The following ITPK1 variants were observed in gnomAD, a reference collection of about 807,000 sequenced individuals.
ITPK1 encodes the protein inositol 1,3,4-trisphosphate 5/6-kinase.
A neutral mutation model predicts 45.3 loss-of-function variants in ITPK1; 21 were observed. The ratio of observed to expected loss-of-function variants is 0.46; its 90% CI spans 0.33 to 0.67. The LOEUF (loss-of-function observed/expected upper bound fraction) is 0.67. Among genes scored for constraint, ITPK1 ranks in the 30% least tolerant of loss-of-function variants. ITPK1 has a pLI of 0.02. For synonymous variants in ITPK1, 258 were observed against 253.6 expected, an observed-to-expected ratio of 1.02 and a Z score of -0.16; for missense variants, 474 against 573.5, an observed-to-expected ratio of 0.83 and a Z score of 1.77.
In ITPK1 at chr14:93,045,370, C is replaced by T. The variant is rs142524552; in HGVS notation, c.121-28569G>A. 5.3e-5 allele frequency among the ~76,000 whole-genome samples: 8 copies of T among 152,336 alleles called. No individual in the cohort carries two copies. The East Asian group carries it at 5.8e-4, about 11-fold the overall frequency. ...CCCTGGTGACCCTGAAGAGCACTGC[C>T]GCAGACTGAGAGGCTGGAAGTAGGC... On this transcript the variant is annotated intron_variant, in intron 3 of 10. Transcript: ENST00000267615.
At chr14:93,065,647 C>G (rs1161025924) in intron 3 of ITPK1, among the ~76,000 whole-genome samples, 2 of 152,234 alleles carry the variant, frequency 1.3e-5, no homozygotes, top group Non-Finnish European at 2.9e-5. Flanking sequence ...TCCCCTTCTT[C>G]TTTAGCAACA....
intron 2 of ITPK1, among the ~76,000 whole-genome samples, chr14:93,108,307 T>C (rs528525859): frequency 1.3e-5 from 2 of 152,354 alleles, no homozygotes; most frequent in South Asian, 2.1e-4. Flanking sequence ...TTCTCTCAAA[T>C]GTAGCTTTCC....
At chr14:93,066,336 GT>G (rs61341369) in intron 3 of ITPK1, 1 of 447,686 alleles carries the variant, frequency 2.2e-6, no homozygotes, top group South Asian at 1.6e-5. Context: ...GTGTGTGTGT[GT>G]GTGTAGGGGG....
At chr14:92,962,485 G>T in intron 6 of ITPK1, 90 bp from the exon 7 acceptor site, 2 of 903,078 alleles carry the variant, frequency 2.2e-6, no homozygotes, top group Non-Finnish European at 3.7e-6. Context: ...AGGAACTCTA[G>T]CTGAGACACA....
At chr14:93,035,040 G>A (rs551444386) in intron 3 of ITPK1, among the ~76,000 whole-genome samples, 9 of 152,324 alleles carry the variant, frequency 5.9e-5, no homozygotes, top group East Asian at 1.9e-4. Flanking sequence ...CCTCTTCTCC[G>A]CTAGGTTCTA....
intron 2 of ITPK1, among the ~76,000 whole-genome samples, chr14:93,105,797 G>A (rs796411129): frequency 4.7e-5 from 7 of 149,756 alleles, no homozygotes; most frequent in African/African-American, 1.5e-4. Context: ...TCCACCTCCC[G>A]GGTTCAAGCG....
At chr14:92,961,684 G>A (rs966382769) in intron 7 of ITPK1, among the ~76,000 whole-genome samples, 1 of 152,206 alleles carries the variant, frequency 6.6e-6, no homozygotes, top group Admixed American at 6.5e-5. Context: ...CCTGCAGGGC[G>A]GGCCGGACTG....
chr14:93,006,505 C>T (rs1267281028), intron 4 of ITPK1, among the ~76,000 whole-genome samples: 1 of 152,198 alleles, frequency 6.6e-6, no homozygotes, highest in African/African-American at 2.4e-5. Flanking sequence ...CATGCAGACC[C>T]CACTGTGTCT....
intron 5 of ITPK1, among the ~76,000 whole-genome samples, chr14:92,977,157 A>C (rs906718466): frequency 1.3e-5 from 2 of 152,268 alleles, no homozygotes; most frequent in Admixed American, 6.5e-5. Context: ...AACAGAAACC[A>C]GCATGCAGAA....
intron 5 of ITPK1, among the ~76,000 whole-genome samples, chr14:92,985,903 T>C (rs1886464002): frequency 6.6e-6 from 1 of 152,018 alleles, no homozygotes; most frequent in South Asian, 2.1e-4. Context: ...TCCCTCCCCA[T>C]TTTACAGATA....
intron 4 of ITPK1, among the ~76,000 whole-genome samples, chr14:93,007,080 T>C (rs1335249610): frequency 6.8e-6 from 1 of 147,348 alleles, no homozygotes; most frequent in Non-Finnish European, 1.5e-5. Flanking sequence ...CTGGAAGGGG[T>C]CGGTCATCTG....
In ITPK1 at chr14:92,941,262, C is replaced by G. The variant is rs1408392136; in HGVS notation, c.*299G>C. Reference sequence around the variant, plus strand: ...CTGGCATGGCAGCCATACGCACACCCCTCACCTCCCATCCAGACCTAGTGT... The same window carrying G: ...CTGGCATGGCAGCCATACGCACACCGCTCACCTCCCATCCAGACCTAGTGT... On this transcript the variant is annotated 3_prime_UTR_variant, in exon 11 of 11. Coordinates refer to ENST00000267615, the MANE Select transcript of ITPK1 (RefSeq NM_014216.6). 2.2e-6 allele frequency: 3 copies of G among 1,370,934 alleles called. No individual in the cohort carries two copies. The African/African-American group carries it at 4.4e-5, about 20-fold the overall frequency. 84.9% of individuals were successfully genotyped at this position (1,370,934 alleles called of 1,614,324 possible). A position where few individuals can be genotyped will look rare whatever the true frequency, so the allele number is the denominator to read the frequency against.
Position 93,059,229 on chromosome 14 carries a change from AG to A in ITPK1, c.120+17365del, listed in dbSNP as rs201605292. On this transcript the variant is annotated intron_variant, in intron 3 of 10. Coordinates refer to ENST00000267615, the MANE Select transcript of ITPK1 (RefSeq NM_014216.6). ...GGTGTGGGTCTCGAGGCAGGGGTGG[AG>A]GGTGTGTGGGTCTCGAGGCGGGGAT... Among the ~76,000 whole-genome samples, 21 of 13,850 alleles carry A rather than the reference AG, an allele frequency of 1.5e-3. 2 individuals carry two copies. Among genetic ancestry groups the A allele is most frequent in the African/African-American group, 8.0e-3 (19 of 2,382 alleles). 9.1% of individuals were successfully genotyped at this position (13,850 alleles called of 152,430 possible).
chr14:93,046,533 T>A (rs376336919), intron 3 of ITPK1, among the ~76,000 whole-genome samples: 13 of 148,504 alleles, frequency 8.8e-5, no homozygotes, highest in Admixed American at 5.3e-4. Flanking sequence ...TCCTAAGTGC[T>A]CTGGGCTTCA....
chr14:93,019,783 C>T (rs1054880981), intron 3 of ITPK1, among the ~76,000 whole-genome samples: 1 of 152,122 alleles, frequency 6.6e-6, no homozygotes, highest in South Asian at 2.1e-4. Context: ...GGGGAGGCCA[C>T]GGAGAAAAGG....
chr14:93,044,428 C>A (rs1006324622), intron 3 of ITPK1, among the ~76,000 whole-genome samples: 5 of 152,220 alleles, frequency 3.3e-5, no homozygotes, highest in African/African-American at 1.2e-4. Context: ...CTGAGAAAGT[C>A]TAGCATAAAA....
chr14:93,009,116 C>G (rs1887763868), intron 4 of ITPK1, among the ~76,000 whole-genome samples: 1 of 152,262 alleles, frequency 6.6e-6, no homozygotes, highest in Non-Finnish European at 1.5e-5. Context: ...TGGTAATGAG[C>G]AGCCGGGAAG....
rs188983485 is a variant in ITPK1 at position 93,047,719 on chromosome 14, C to T, written c.120+28876G>A. On this transcript the variant is annotated intron_variant, in intron 3 of 10. Coordinates refer to ENST00000267615, the MANE Select transcript of ITPK1 (RefSeq NM_014216.6). Reference sequence around the variant, plus strand: ...AGTGAATTTCTGTTCTCCTAAGCCACGCAGTTTGCAGTGACCTGTTATGGC... The same window carrying T: ...AGTGAATTTCTGTTCTCCTAAGCCATGCAGTTTGCAGTGACCTGTTATGGC... Among the ~76,000 whole-genome samples, 395 of 152,354 alleles carry T rather than the reference C, an allele frequency of 2.6e-3. 1 individual carries two copies. The highest frequency in any genetic ancestry group is 4.8e-3 in the Non-Finnish European group (324 of 68,026).
At chr14:92,968,865 A>G (rs1566704427) in intron 5 of ITPK1, among the ~76,000 whole-genome samples, 3 of 152,170 alleles carry the variant, frequency 2.0e-5, no homozygotes, top group Admixed American at 6.5e-5. Flanking sequence ...GCCCAGCCAC[A>G]CTGCTAGGAT....
Sources: allele counts gnomAD v4.1 joint callset (sites outside exome capture counted in the v4.1 genomes callset), GRCh38; gene constraint gnomAD v4.1.1; transcripts MANE v1.5; gene names NCBI Gene and HGNC (gene_info 2026-07-23, HGNC 2026-07-21).